The following NDEL1 variants were observed in gnomAD, a reference collection of about 807,000 sequenced individuals.
The protein encoded by NDEL1 is nuclear distribution protein nudE-like 1.
NDEL1 carries 9 observed loss-of-function variants against 45.7 expected under a neutral mutation model. The observed-to-expected ratio is 0.20, with a 90% CI of 0.12 to 0.34. NDEL1 has a LOEUF of 0.34. Ranked by LOEUF, NDEL1 falls within the 10% of genes least tolerant of loss-of-function variation. The probability of loss-of-function intolerance (pLI) is 1.00; values close to 1 mark genes in which losing one functional copy is unlikely to be tolerated. For missense variants in NDEL1, 306 were observed against 406.2 expected (o/e 0.75, Z 2.12); for synonymous variants, 133 against 158.6 (o/e 0.84, Z 1.21).
chr17:8,428,519 C>T (rs1422241388), intron 1 of NDEL1, among the ~76,000 whole-genome samples: 1 of 151,612 alleles, frequency 6.6e-6, no homozygotes, highest in South Asian at 2.1e-4. Context: ...CATGTGCCAC[C>T]ACACCCGGCT....
At chr17:8,472,665 G>GA (rs142024295), downstream of NDEL1, among the ~76,000 whole-genome samples, 2,649 of 151,554 alleles carry the variant, frequency 0.017, 71 homozygotes, top group African/African-American at 0.058. Context: ...TCTGTCTCGG[G>GA]AAAAAAAACA....
At chr17:8,430,356 C>T (rs1373629287) in intron 1 of NDEL1, among the ~76,000 whole-genome samples, 1 of 152,186 alleles carries the variant, frequency 6.6e-6, no homozygotes, top group African/African-American at 2.4e-5. Flanking sequence ...AGATGTCTTG[C>T]TCACCTGATT....
chr17:8,463,420 C>T (rs1270349017), intron 8 of NDEL1: 2 of 1,490,900 alleles, frequency 1.3e-6, no homozygotes, highest in East Asian at 2.3e-5. Context: ...GTGGAAGACA[C>T]ATTAACAATC....
intron 6 of NDEL1, among the ~76,000 whole-genome samples, chr17:8,453,642 A>G (rs1323777580): frequency 6.6e-6 from 1 of 152,184 alleles, no homozygotes; most frequent in East Asian, 1.9e-4. Context: ...ATGATTCTGA[A>G]TGGGAAGACT....
Position 8,467,351 on chromosome 17 carries a change from A to C in NDEL1, c.*328A>C. On this transcript the variant is annotated 3_prime_UTR_variant, in exon 9 of 9. Coordinates refer to ENST00000334527, the MANE Select transcript of NDEL1 (RefSeq NM_030808.5). This position sits in a 1 kb window ranked among gnomAD's most constrained non-coding sequence, Gnocchi z 6.3. ...TCATCACACCTGCCCCATAGCCCCCACTCTGCTGTACTGATAGGATTTAGT... is the reference window on the plus strand; with the variant it reads ...TCATCACACCTGCCCCATAGCCCCCCCTCTGCTGTACTGATAGGATTTAGT... 1 of 494,498 alleles carries C rather than the reference A, an allele frequency of 2.0e-6. No homozygotes were observed. The highest frequency in any genetic ancestry group is 3.7e-5 in the South Asian group (1 of 27,056). The allele number at this position is 494,498 out of a possible 1,614,324, so 30.6% of individuals were successfully genotyped here.
At chr17:8,425,662 A>G (rs1483644054) in intron 1 of NDEL1, among the ~76,000 whole-genome samples, 1 of 152,150 alleles carries the variant, frequency 6.6e-6, no homozygotes, top group Non-Finnish European at 1.5e-5. Flanking sequence ...CATTGGGGCC[A>G]GAGATAAATA....
chr17:8,463,628 G>A (rs1911385642), intron 8 of NDEL1, among the ~76,000 whole-genome samples: 1 of 152,246 alleles, frequency 6.6e-6, no homozygotes, highest in Non-Finnish European at 1.5e-5. Flanking sequence ...CTAGGGCGCT[G>A]TAGTGTTGAT....
At chr17:8,441,637 G>A (rs866943105) in intron 1 of NDEL1, among the ~76,000 whole-genome samples, 9 of 152,166 alleles carry the variant, frequency 5.9e-5, no homozygotes, top group Middle Eastern at 3.4e-3. Flanking sequence ...TGACAGTAGA[G>A]TAACATGTCT....
chr17:8,414,254 C>G lies in NDEL1; in HGVS notation c.-13+985C>G, dbSNP rs562811900. Among the ~76,000 whole-genome samples the G allele has an allele frequency of 7.2e-5, 11 of 152,194 alleles. No homozygotes were observed. In the South Asian group the frequency reaches 2.3e-3, roughly 32 times the overall value. ...ATAAACAGTGCCACAGTAAACATCA[C>G]TGAATGTACATCTTTGCATACTATT... is the stretch of plus-strand genomic sequence containing the variant. On this transcript the variant is annotated intron_variant, in intron 1 of 4. Coordinates refer to the NDEL1 transcript ENST00000582812.
At chr17:8,433,353 T>C (rs1031403726), upstream of NDEL1, among the ~76,000 whole-genome samples, 6 of 152,226 alleles carry the variant, frequency 3.9e-5, no homozygotes, top group African/African-American at 1.4e-4. Context: ...TTACTTTTTT[T>C]CCTCACAAAT....
At chr17:8,461,793 A>G (rs1911223486) in intron 8 of NDEL1, among the ~76,000 whole-genome samples, 1 of 152,130 alleles carries the variant, frequency 6.6e-6, no homozygotes, top group African/African-American at 2.4e-5. Flanking sequence ...ACTTATAATG[A>G]TCCTCTACTA....
chr17:8,462,587 A>G (rs537404483), intron 8 of NDEL1, among the ~76,000 whole-genome samples: 1 of 152,336 alleles, frequency 6.6e-6, no homozygotes, highest in Non-Finnish European at 1.5e-5. Flanking sequence ...ACACTCTGGC[A>G]GGTTAAAAAC....
chr17:8,442,208 A>G (rs1228540816), intron 1 of NDEL1, among the ~76,000 whole-genome samples: 1 of 152,148 alleles, frequency 6.6e-6, no homozygotes, highest in African/African-American at 2.4e-5. Context: ...GTGGCTGCCC[A>G]TGTATCGGAT....
intron 6 of NDEL1, among the ~76,000 whole-genome samples, chr17:8,453,282 A>G (rs1012716813): frequency 6.6e-6 from 1 of 152,216 alleles, no homozygotes; most frequent in Non-Finnish European, 1.5e-5. Context: ...TGAGGAGAAG[A>G]AGGATAATAA....
chr17:8,453,881 G>A (rs1273756708), intron 6 of NDEL1, among the ~76,000 whole-genome samples: 1 of 152,078 alleles, frequency 6.6e-6, no homozygotes, highest in Non-Finnish European at 1.5e-5. Context: ...GCATACTTCT[G>A]ATAGAATAGG....
intron 1 of NDEL1, among the ~76,000 whole-genome samples, chr17:8,437,786 A>G (rs1384144575): frequency 6.6e-6 from 1 of 152,206 alleles, no homozygotes; most frequent in Non-Finnish European, 1.5e-5. Context: ...TTCCTTGTAA[A>G]TAAAAGGCAT....
At chr17:8,431,604 G>A (rs1395620074), upstream of NDEL1, among the ~76,000 whole-genome samples, 2 of 152,188 alleles carry the variant, frequency 1.3e-5, no homozygotes, top group African/African-American at 4.8e-5. Context: ...TTCGAACAGG[G>A]TGGGTTTGAG....
At chr17:8,446,688 A>G in intron 3 of NDEL1, 66 bp from the exon 4 acceptor site, 2 of 1,530,170 alleles carry the variant, frequency 1.3e-6, no homozygotes, top group Non-Finnish European at 8.9e-7. Context: ...TTTTAACTTG[A>G]GTTACCTCTT....
chr17:8,443,350 A>G (rs1909883141), intron 1 of NDEL1, among the ~76,000 whole-genome samples: 1 of 152,228 alleles, frequency 6.6e-6, no homozygotes, highest in African/African-American at 2.4e-5. Flanking sequence ...TGAGGGCAAG[A>G]AAACCTCTCT....
Sources: gnomAD v4.1 joint callset for allele counts (sites outside exome capture counted in the v4.1 genomes callset) on GRCh38, gnomAD v4.1.1 for gene constraint, Gnocchi (gnomAD v3.1) non-coding constraint, MANE v1.5 for transcripts, NCBI Gene and HGNC (gene_info 2026-07-23, HGNC 2026-07-21) for gene names.